DDAH1: variants seen among roughly 807,000 people sequenced by gnomAD.
DDAH1 encodes dimethylarginine dimethylaminohydrolase 1, also known as N(G),N(G)-dimethylarginine dimethylaminohydrolase 1.
Under a neutral mutation model 28.8 loss-of-function variants are expected in DDAH1, and 19 were observed. The observed-to-expected ratio is 0.66, with a 90% CI of 0.46 to 0.97. DDAH1 has a LOEUF of 0.97. DDAH1 is among the 50% of genes least tolerant of loss of function. The probability of loss-of-function intolerance (pLI) is 0.00; values close to 1 mark genes in which losing one functional copy is unlikely to be tolerated. For synonymous variants in DDAH1, 153 were observed against 154.4 expected (o/e 0.99, Z 0.07); for missense variants, 326 against 375.9 (o/e 0.87, Z 1.10).
intron 1 of DDAH1, among the ~76,000 whole-genome samples, chr1:85,518,791 A>C (rs1180024847): frequency 6.6e-6 from 1 of 152,184 alleles, no homozygotes; most frequent in Non-Finnish European, 1.5e-5. Flanking sequence ...TTGGGGGACC[A>C]TTATTCTATC....
chr1:85,462,158 A>C (rs1485576282), intron 1 of DDAH1, among the ~76,000 whole-genome samples: 3 of 152,244 alleles, frequency 2.0e-5, no homozygotes, highest in Non-Finnish European at 4.4e-5. Flanking sequence ...AACTTAAGAC[A>C]GATAAAAGGG....
At chr1:85,329,774 A>G (rs1412109804) in intron 4 of DDAH1, among the ~76,000 whole-genome samples, 1 of 152,244 alleles carries the variant, frequency 6.6e-6, no homozygotes. Flanking sequence ...GAATATGCCC[A>G]AAGAAATGAC....
intron 1 of DDAH1, among the ~76,000 whole-genome samples, chr1:85,563,732 C>A (rs1557764695): frequency 2.0e-5 from 3 of 152,130 alleles, no homozygotes; most frequent in African/African-American, 7.2e-5. Flanking sequence ...AAATGACACA[C>A]ATGATAGAAT....
intron 1 of DDAH1, among the ~76,000 whole-genome samples, chr1:85,387,174 T>C (rs1164517978): frequency 1.3e-5 from 2 of 152,196 alleles, no homozygotes; most frequent in Non-Finnish European, 2.9e-5. Flanking sequence ...TTAATCTCTC[T>C]AGCAAGCAAT....
intron 1 of DDAH1, among the ~76,000 whole-genome samples, chr1:85,553,554 G>A (rs940031889): frequency 6.6e-6 from 1 of 152,214 alleles, no homozygotes; most frequent in Admixed American, 6.5e-5. Context: ...TACCAGCAAA[G>A]GGCACTATTG....
At chr1:85,509,071 G>T (rs1657131585) in intron 1 of DDAH1, among the ~76,000 whole-genome samples, 1 of 152,226 alleles carries the variant, frequency 6.6e-6, no homozygotes, top group South Asian at 2.1e-4. Context: ...CCTAGTAGGG[G>T]CTGACAGATA....
chr1:85,574,153 G>C (rs1201966927), intron 1 of DDAH1, among the ~76,000 whole-genome samples: 1 of 152,200 alleles, frequency 6.6e-6, no homozygotes, highest in Non-Finnish European at 1.5e-5. Context: ...TAACCATTCA[G>C]CCTCTCATAG....
intron 1 of DDAH1, among the ~76,000 whole-genome samples, chr1:85,389,241 A>G (rs1651423790): frequency 6.6e-6 from 1 of 152,212 alleles, no homozygotes; most frequent in South Asian, 2.1e-4. Context: ...CTCAAAACAA[A>G]CAAACAAACA....
chr1:85,436,937 T>G (rs774588916), intron 1 of DDAH1, among the ~76,000 whole-genome samples: 30 of 152,146 alleles, frequency 2.0e-4, no homozygotes, highest in Admixed American at 4.6e-4. Context: ...TTAAAACAAG[T>G]TCACAAATTC....
At chr1:85,449,265 T>G (rs1272589154) in intron 1 of DDAH1, among the ~76,000 whole-genome samples, 1 of 152,148 alleles carries the variant, frequency 6.6e-6, no homozygotes, top group African/African-American at 2.4e-5. Flanking sequence ...TATGAGAAGG[T>G]TGGCAGAACA....
intron 4 of DDAH1, among the ~76,000 whole-genome samples, chr1:85,338,897 A>G (rs973924751): frequency 6.6e-6 from 1 of 151,652 alleles, no homozygotes; most frequent in Admixed American, 6.6e-5. Context: ...AAATACAAAA[A>G]TTAGCTGGGC....
intron 4 of DDAH1, among the ~76,000 whole-genome samples, chr1:85,342,573 A>G (rs2100824557): frequency 6.6e-6 from 1 of 152,352 alleles, no homozygotes; most frequent in East Asian, 1.9e-4. Context: ...GTTAGGTATT[A>G]TATTTCAAGT....
At position 85,426,796 on chromosome 1, in the gene DDAH1, T is replaced by C. The variant is rs1335490970; in HGVS notation, c.303+37947A>G. Among the ~76,000 whole-genome samples, 4 of 151,404 alleles carry C rather than the reference T, an allele frequency of 2.6e-5. No individual in the cohort carries two copies. The South Asian group carries it at 6.3e-4, about 24-fold the overall frequency. ...GCATGGTGGTGTGCACCTGTAGTCC[T>C]AGCTACTTGGGAGGCTGAGGCAGGA... On this transcript the variant is annotated intron_variant, in intron 1 of 5. Transcript: ENST00000284031.
chr1:85,468,495 A>G (rs543996148), upstream of DDAH1, among the ~76,000 whole-genome samples: 10 of 152,120 alleles, frequency 6.6e-5, no homozygotes, highest in South Asian at 2.1e-3. Flanking sequence ...GGCGGCAGGC[A>G]AGACAGCTTG....
At position 85,464,819 on chromosome 1, in the gene DDAH1, A is replaced by G. The variant is rs1655283877; in HGVS notation, c.227T>C (p.Phe76Ser). ...PADESLPDCV[F>S]VEDVAVVCEE... is the part of the protein sequence containing the mutation. ...GCACACCACGGCCACGTCCTCCACG[A>G]AGACGCAGTCCGGAAGGCTCTCGTC... The change falls in exon 1 of 6, where the codon TTC becomes TCC. Residue 76 changes from phenylalanine to serine, a missense_variant. Phe to Ser is a radical substitution (Grantham distance 155). Coordinates refer to ENST00000284031, the MANE Select transcript of DDAH1 (RefSeq NM_012137.4). The surrounding 1 kb of genome is among the most constrained non-coding windows in gnomAD (Gnocchi z 4.4). The G allele has an allele frequency of 1.3e-6, 2 of 1,587,498 alleles. No homozygotes were observed. Among genetic ancestry groups the G allele is most frequent in the East Asian group, 2.3e-5 (1 of 42,616 alleles).
chr1:85,442,363 CT>C (rs1654237306), intron 1 of DDAH1, among the ~76,000 whole-genome samples: 1 of 152,194 alleles, frequency 6.6e-6, no homozygotes, highest in East Asian at 1.9e-4. Context: ...TGAACTCATC[CT>C]TTTTTATGGC....
intron 1 of DDAH1, among the ~76,000 whole-genome samples, chr1:85,545,776 A>C (rs1470328158): frequency 6.6e-6 from 1 of 152,112 alleles, no homozygotes; most frequent in Non-Finnish European, 1.5e-5. Context: ...TGGGAGGAGG[A>C]GGAGATGCAG....
chr1:85,501,300 C>T (rs1380836211), intron 1 of DDAH1, among the ~76,000 whole-genome samples: 1 of 152,148 alleles, frequency 6.6e-6, no homozygotes, highest in Non-Finnish European at 1.5e-5. Context: ...CCTCCTCCTA[C>T]CGCCTGGCCT....
intron 1 of DDAH1, among the ~76,000 whole-genome samples, chr1:85,463,658 G>A (rs1049499787): frequency 6.6e-6 from 1 of 152,216 alleles, no homozygotes; most frequent in South Asian, 2.1e-4. Context: ...CCAAGTAGTG[G>A]AGCAGGTGAG....
Sources: allele counts gnomAD v4.1 joint callset (sites outside exome capture counted in the v4.1 genomes callset), GRCh38; gene constraint gnomAD v4.1.1; non-coding constraint Gnocchi (gnomAD v3.1); transcripts MANE v1.5; gene names NCBI Gene and HGNC (gene_info 2026-07-23, HGNC 2026-07-21).